STX3: variants seen among roughly 807,000 people sequenced by gnomAD.
STX3 encodes the protein syntaxin-3.
STX3 carries 19 observed loss-of-function variants against 40.2 expected under a neutral mutation model. The ratio of observed to expected loss-of-function variants is 0.47; its 90% CI spans 0.33 to 0.69. STX3 has a LOEUF of 0.69. Among genes scored for constraint, STX3 ranks in the 30% least tolerant of loss-of-function variants. STX3 has a pLI of 0.02. For missense variants in STX3, 364 were observed against 366.7 expected (o/e 0.99, Z 0.06); for synonymous variants, 122 against 132.2 (o/e 0.92, Z 0.53).
chr11:59,791,402 T>A (rs1307826312), intron 5 of STX3, among the ~76,000 whole-genome samples: 1 of 152,214 alleles, frequency 6.6e-6, no homozygotes, highest in Non-Finnish European at 1.5e-5. Context: ...TACAGGCATT[T>A]GCTTCAGGCG....
chr11:59,783,182 A>G (rs1281013284), intron 2 of STX3, among the ~76,000 whole-genome samples: 1 of 152,246 alleles, frequency 6.6e-6, no homozygotes, highest in African/African-American at 2.4e-5. Context: ...ACAGAGAAAT[A>G]AGGATGATCT....
Position 59,795,436 on chromosome 11 carries a change from G to T in STX3, c.740G>T (p.Arg247Leu). 1 of 1,613,574 alleles carries T rather than the reference G, an allele frequency of 6.2e-7. No homozygotes were observed. Among genetic ancestry groups the T allele is most frequent in the Non-Finnish European group, 8.5e-7 (1 of 1,179,834 alleles). Residue 247 changes from arginine to leucine, a missense_variant, in exon 9 of 11, where the codon CGA becomes CTA. Arg to Leu is a moderately radical substitution (Grantham distance 102). Coordinates refer to ENST00000337979, the MANE Select transcript of STX3 (RefSeq NM_004177.5). ...MHTVDHVEKA[R>L]DETKKAVKYQ... ...ACAGTGGACCACGTGGAGAAGGCACGAGATGAAACGAAAAAAGCTGTGAAA... is the reference window on the plus strand; with the variant it reads ...ACAGTGGACCACGTGGAGAAGGCACTAGATGAAACGAAAAAAGCTGTGAAA...
intron 2 of STX3, among the ~76,000 whole-genome samples, chr11:59,774,710 A>G (rs962543699): frequency 6.6e-6 from 1 of 152,064 alleles, no homozygotes; most frequent in African/African-American, 2.4e-5. Context: ...GGGCACCTGT[A>G]ATCCCAGCTA....
chr11:59,795,141 G>A (rs1865435296), intron 8 of STX3, among the ~76,000 whole-genome samples: 1 of 152,142 alleles, frequency 6.6e-6, no homozygotes, highest in African/African-American at 2.4e-5. Flanking sequence ...TGGATGCCTG[G>A]TGGAGTGCTG....
At chr11:59,771,901 A>C (rs1001206182) in intron 1 of STX3, among the ~76,000 whole-genome samples, 7 of 152,194 alleles carry the variant, frequency 4.6e-5, no homozygotes, top group Non-Finnish European at 8.8e-5. Flanking sequence ...CAGTGCCCTC[A>C]AATTCGACTC....
chr11:59,775,022 G>A (rs1033536228), intron 2 of STX3, among the ~76,000 whole-genome samples: 5 of 152,146 alleles, frequency 3.3e-5, no homozygotes, highest in Admixed American at 1.3e-4. Flanking sequence ...AAGAAGTATC[G>A]TGCTCTTTTT....
At chr11:59,756,517 C>T (rs913549891) in intron 1 of STX3, among the ~76,000 whole-genome samples, 1 of 152,150 alleles carries the variant, frequency 6.6e-6, no homozygotes, top group African/African-American at 2.4e-5. Flanking sequence ...AAAATCTAGC[C>T]CTTGACACTC....
chr11:59,801,708 C>T lies in STX3; in HGVS notation c.*884C>T. 1.0e-6 allele frequency: 1 copy of T among 985,598 alleles called. No homozygotes were observed. 61.1% of individuals were successfully genotyped at this position (985,598 alleles called of 1,614,324 possible). ...TAAGCTCTGGAAATATTTCATGACA[C>T]TGGTGTATTCACTCATGTGTTCCAG... On this transcript the variant is annotated 3_prime_UTR_variant, in exon 11 of 11. Transcript: ENST00000337979.
At chr11:59,773,012 C>A (rs926591627) in intron 1 of STX3, among the ~76,000 whole-genome samples, 199 bp from the exon 2 acceptor site, 2 of 151,014 alleles carry the variant, frequency 1.3e-5, no homozygotes, top group African/African-American at 4.9e-5. Context: ...CACACACACA[C>A]AACCCAGCAA....
chr11:59,790,670 TACAATCC>T, intron 5 of STX3, 84 bp downstream of exon 5: 1 of 977,586 alleles, frequency 1.0e-6, no homozygotes, highest in Non-Finnish European at 1.6e-6. Flanking sequence ...TTTTTTTTAA[TACAATCC>T]TTATTTTGAA....
In STX3 at chr11:59,775,594, G is replaced by A. The variant is rs546702848; in HGVS notation, c.114+2300G>A. 3.3e-5 allele frequency among the ~76,000 whole-genome samples: 5 copies of A among 152,314 alleles called. No homozygotes were observed. The South Asian group carries it at 1.0e-3, about 32-fold the overall frequency. ...TCCACTTTTCAAGCATTTCGTAGCA[G>A]TGTAACCTTGGTCAGGTTGCTTAAC... is the stretch of plus-strand genomic sequence containing the variant. On this transcript the variant is annotated intron_variant, in intron 2 of 10. Coordinates refer to ENST00000337979, the MANE Select transcript of STX3 (RefSeq NM_004177.5).
At chr11:59,797,422 A>G in intron 10 of STX3, 26 bp downstream of exon 10, 1 of 1,574,026 alleles carries the variant, frequency 6.4e-7, no homozygotes, top group South Asian at 1.1e-5. Context: ...GTTCTTGGGG[A>G]CTCTGGATTT....
At chr11:59,766,491 A>G (rs57529518) in intron 1 of STX3, among the ~76,000 whole-genome samples, 15,841 of 152,256 alleles carry the variant, frequency 0.1, 1,160 homozygotes, top group African/African-American at 0.2. Flanking sequence ...GGCTCAGGAC[A>G]GCTACGTCCC....
chr11:59,777,567 G>A (rs1173851069), intron 2 of STX3, among the ~76,000 whole-genome samples: 1 of 152,118 alleles, frequency 6.6e-6, no homozygotes, highest in Non-Finnish European at 1.5e-5. Flanking sequence ...TATCATTTAG[G>A]GATGCTTTTG....
chr11:59,755,706 C>G (rs1173730054), intron 1 of STX3, 71 bp downstream of exon 1: 3 of 1,465,060 alleles, frequency 2.0e-6, no homozygotes, highest in Admixed American at 2.2e-5. Context: ...CTTTGCTCCC[C>G]AAGTCGAGGC....
At chr11:59,779,948 A>G (rs1006427237) in intron 2 of STX3, among the ~76,000 whole-genome samples, 3 of 152,246 alleles carry the variant, frequency 2.0e-5, no homozygotes, top group African/African-American at 7.2e-5. Flanking sequence ...TTCTTTAAGT[A>G]GAATATTGGA....
chr11:59,755,588 G>A lies in STX3; in HGVS notation c.-18G>A. The A allele has an allele frequency of 6.3e-7, 1 of 1,592,694 alleles. No individual in the cohort carries two copies. Among genetic ancestry groups the A allele is most frequent in the Non-Finnish European group, 8.5e-7 (1 of 1,176,072 alleles). On this transcript the variant is annotated 5_prime_UTR_variant, in exon 1 of 11. Transcript: ENST00000337979. Reference sequence around the variant, plus strand: ...CACCTGGGACGCGCTACCTGCCTCCGGGCGCCTGGGCTTCAGGATGAAGGA... The same window carrying A: ...CACCTGGGACGCGCTACCTGCCTCCAGGCGCCTGGGCTTCAGGATGAAGGA...
intron 10 of STX3, 161 bp from the exon 11 acceptor site, chr11:59,800,694 G>A: frequency 3.0e-6 from 3 of 985,238 alleles, no homozygotes; most frequent in Non-Finnish European, 3.6e-6. Flanking sequence ...TTTGTTCTTT[G>A]TACAGTGGGA....
intron 1 of STX3, among the ~76,000 whole-genome samples, chr11:59,760,123 T>A (rs1202761080): frequency 1.3e-5 from 2 of 152,168 alleles, no homozygotes; most frequent in Non-Finnish European, 2.9e-5. Flanking sequence ...TACAGCCCCA[T>A]CAGCCGGAGG....
Sources: gnomAD v4.1 joint callset for allele counts (sites outside exome capture counted in the v4.1 genomes callset) on GRCh38, gnomAD v4.1.1 for gene constraint, MANE v1.5 for transcripts, NCBI Gene and HGNC (gene_info 2026-07-23, HGNC 2026-07-21) for gene names.